The following FBP1 variants were observed in gnomAD, a reference collection of about 807,000 sequenced individuals.
FBP1 encodes fructose-1,6-bisphosphatase 1.
In FBP1, 22 loss-of-function variants were observed where a neutral mutation model predicts 29.9. That is an observed-to-expected ratio of 0.74 (90% CI 0.53 to 1.05). The LOEUF (loss-of-function observed/expected upper bound fraction) is 1.05, where lower values mean the gene tolerates loss of function less well. FBP1 is among the 50% of genes least tolerant of loss of function. The pLI, the probability that FBP1 is intolerant of heterozygous loss-of-function variation, is 0.00. For missense variants in FBP1, 345 were observed against 448.2 expected, an observed-to-expected ratio of 0.77 and a Z score of 2.08; for synonymous variants, 175 against 178.6, an observed-to-expected ratio of 0.98 and a Z score of 0.16.
intron 1 of FBP1, among the ~76,000 whole-genome samples, chr9:94,631,963 G>A (rs188909917): frequency 4.6e-5 from 7 of 152,184 alleles, no homozygotes; most frequent in African/African-American, 1.7e-4. Context: ...ATGGAACGTG[G>A]CTGTCTGCGC....
At chr9:94,626,732 A>G (rs1421419486) in intron 1 of FBP1, among the ~76,000 whole-genome samples, 1 of 152,166 alleles carries the variant, frequency 6.6e-6, no homozygotes, top group Non-Finnish European at 1.5e-5. Flanking sequence ...TATTTTCTCC[A>G]TAAGTTTTCA....
chr9:94,616,342 T>G (rs1827861780), intron 3 of FBP1, among the ~76,000 whole-genome samples: 1 of 149,398 alleles, frequency 6.7e-6, no homozygotes, highest in Non-Finnish European at 1.5e-5. Flanking sequence ...TATACTATTC[T>G]CGTGAGGTAT....
intron 1 of FBP1, among the ~76,000 whole-genome samples, chr9:94,629,666 C>A (rs1237967765): frequency 6.6e-5 from 10 of 152,036 alleles, no homozygotes; most frequent in Non-Finnish European, 1.2e-4. Context: ...GGGGGAGGGT[C>A]TAGTCTCTCA....
At chr9:94,605,612 A>G (rs1160005738) in intron 5 of FBP1, 36 bp from the exon 6 acceptor site, 6 of 1,608,334 alleles carry the variant, frequency 3.7e-6, no homozygotes, top group Non-Finnish European at 5.1e-6. Context: ...AGGATTGCAG[A>G]AAATAAGAAA....
Position 94,614,738 on chromosome 9 carries a change from G to A in FBP1, c.426+3030C>T, listed in dbSNP as rs117901380. ...GCGATTCTAGCCAACAATCATCTCT[G>A]CAGAAAGCAGGAAAAATCCCCTTGG... On this transcript the variant is annotated intron_variant, in intron 3 of 6. Transcript: ENST00000375326. Among the ~76,000 whole-genome samples the A allele has an allele frequency of 5.0e-3, 767 of 152,222 alleles. 7 individuals carry two copies. The highest frequency in any genetic ancestry group is 8.6e-3 in the Non-Finnish European group (582 of 68,016).
At chr9:94,620,771 G>A (rs1827934898) in intron 1 of FBP1, among the ~76,000 whole-genome samples, 1 of 152,168 alleles carries the variant, frequency 6.6e-6, no homozygotes, top group East Asian at 1.9e-4. Context: ...CAGGGAGCTG[G>A]GGACTAGGGG....
In FBP1 at chr9:94,639,385, G is replaced by C; in HGVS notation, c.-75C>G. 6.6e-7 allele frequency: 1 copy of C among 1,519,106 alleles called. No individual in the cohort carries two copies. Among genetic ancestry groups the C allele is most frequent in the South Asian group, 1.2e-5 (1 of 83,814 alleles). The allele number at this position is 1,519,106 out of a possible 1,614,324, so 94.1% of individuals were successfully genotyped here. A position where few individuals can be genotyped will look rare whatever the true frequency, so the allele number is the denominator to read the frequency against. On this transcript the variant is annotated 5_prime_UTR_variant, in exon 1 of 7. Transcript: ENST00000375326. ...GGCTGCAGGTGCGGGCGGCAAGAGA[G>C]GGCAGTAGGCACTGGCCGCAGGTGC...
chr9:94,603,619 G>T, intron 6 of FBP1, 47 bp from the exon 7 acceptor site: 1 of 1,559,502 alleles, frequency 6.4e-7, no homozygotes, highest in Non-Finnish European at 8.8e-7. Context: ...AGAAGGTATT[G>T]CGTAAAAAAG....
intron 1 of FBP1, among the ~76,000 whole-genome samples, chr9:94,632,410 T>C (rs530396793): frequency 3.3e-5 from 5 of 152,120 alleles, no homozygotes; most frequent in Non-Finnish European, 7.4e-5. Context: ...TGGCTCACAC[T>C]TGTAAGCCCA....
In FBP1 at chr9:94,603,179, A is replaced by G; in HGVS notation, c.*202T>C. 3.3e-6 allele frequency: 2 copies of G among 606,002 alleles called. No individual in the cohort carries two copies. Among genetic ancestry groups the G allele is most frequent in the Non-Finnish European group, 3.0e-6 (1 of 335,912 alleles). The allele number at this position is 606,002 out of a possible 1,614,324, so 37.5% of individuals were successfully genotyped here. A position where few individuals can be genotyped will look rare whatever the true frequency, so the allele number is the denominator to read the frequency against. ...TTTATTTCTCCTCCATCCACTCAAAATATATCTTAACACCAGTGGCATTAT... is the reference window on the plus strand; with the variant it reads ...TTTATTTCTCCTCCATCCACTCAAAGTATATCTTAACACCAGTGGCATTAT... On this transcript the variant is annotated 3_prime_UTR_variant, in exon 7 of 7. Transcript: ENST00000375326.
chr9:94,620,952 G>A (rs559383127), intron 1 of FBP1, among the ~76,000 whole-genome samples: 318 of 152,292 alleles, frequency 2.1e-3, no homozygotes, highest in African/African-American at 7.2e-3. Flanking sequence ...GGTGGCTCAC[G>A]CCTGTAATCC....
At chr9:94,640,079 G>A (rs1268264880), upstream of FBP1, 3 of 152,328 alleles carry the variant, frequency 2.0e-5, no homozygotes, top group African/African-American at 7.2e-5. Context: ...CTTAATCCAG[G>A]CCTCTTCTCA....
intron 4 of FBP1, among the ~76,000 whole-genome samples, chr9:94,609,339 T>C (rs1827748879): frequency 6.6e-6 from 1 of 152,238 alleles, no homozygotes; most frequent in Non-Finnish European, 1.5e-5. Flanking sequence ...AAACAGCCTT[T>C]TGGTGACTAA....
intron 3 of FBP1, among the ~76,000 whole-genome samples, chr9:94,617,249 G>A (rs1262813492): frequency 6.6e-6 from 1 of 152,120 alleles, no homozygotes; most frequent in Non-Finnish European, 1.5e-5. Context: ...AACTTAAAAT[G>A]GATCACGAAA....
chr9:94,634,418 A>G (rs927270065), intron 1 of FBP1, among the ~76,000 whole-genome samples: 5 of 152,188 alleles, frequency 3.3e-5, no homozygotes, highest in African/African-American at 1.2e-4. Context: ...AACTTTGTAC[A>G]TGGTGGATGT....
At chr9:94,615,298 C>T (rs1827847074) in intron 3 of FBP1, among the ~76,000 whole-genome samples, 2 of 152,194 alleles carry the variant, frequency 1.3e-5, no homozygotes, top group Non-Finnish European at 2.9e-5. Flanking sequence ...ATAATTCAAG[C>T]TGCTGTTGCA....
chr9:94,606,091 G>A (rs1183895738), intron 5 of FBP1, among the ~76,000 whole-genome samples: 1 of 152,146 alleles, frequency 6.6e-6, no homozygotes, highest in Non-Finnish European at 1.5e-5. Context: ...GGAGAGATGA[G>A]TAAGCTGGAG....
chr9:94,640,160 G>C (rs1248713689), upstream of FBP1: 1 of 152,238 alleles, frequency 6.6e-6, no homozygotes, highest in Non-Finnish European at 1.5e-5. Flanking sequence ...GAAGTTTCCC[G>C]GAAAACGGTC....
At chr9:94,637,399 C>CT (rs202217364) in intron 1 of FBP1, among the ~76,000 whole-genome samples, 54,611 of 142,826 alleles carry the variant, frequency 0.38, 10,180 homozygotes, top group East Asian at 0.55. Flanking sequence ...CATCATGCGT[C>CT]TTTTTTTTTT....
Sources: gnomAD v4.1 joint callset for allele counts (sites outside exome capture counted in the v4.1 genomes callset) on GRCh38, gnomAD v4.1.1 for gene constraint, MANE v1.5 for transcripts, NCBI Gene and HGNC (gene_info 2026-07-23, HGNC 2026-07-21) for gene names.